The following SBF2 variants were observed in gnomAD, a reference collection of about 807,000 sequenced individuals.
The protein encoded by SBF2 is myotubularin-related protein 13.
In SBF2, 112 loss-of-function variants were observed where a neutral mutation model predicts 225.2. The observed-to-expected ratio is 0.50, with a 90% CI of 0.43 to 0.58. The LOEUF is 0.58. SBF2 is among the 20% of genes least tolerant of loss of function. SBF2 has a pLI of 0.00. For missense variants in SBF2, 1,996 were observed against 2,206.2 expected, an observed-to-expected ratio of 0.90 and a Z score of 1.91; for synonymous variants, 763 against 773.3, an observed-to-expected ratio of 0.99 and a Z score of 0.22.
At chr11:10,286,317 T>C (rs1963779438) in intron 1 of SBF2, among the ~76,000 whole-genome samples, 2 of 151,672 alleles carry the variant, frequency 1.3e-5, no homozygotes, top group East Asian at 1.9e-4. Flanking sequence ...GTAAATTATA[T>C]CTCAATAAAG....
chr11:9,827,148 C>A (rs560876200), intron 28 of SBF2, among the ~76,000 whole-genome samples: 61 of 152,202 alleles, frequency 4.0e-4, no homozygotes, highest in African/African-American at 1.3e-3. Context: ...TACTTAGTAT[C>A]TTTTTAAGGG....
chr11:9,906,167 C>A (rs529970092), intron 16 of SBF2, among the ~76,000 whole-genome samples: 2 of 152,288 alleles, frequency 1.3e-5, no homozygotes, highest in South Asian at 2.1e-4. Context: ...AACAGAAATG[C>A]CTTGCATGTT....
intron 16 of SBF2, among the ~76,000 whole-genome samples, chr11:9,942,810 G>A (rs1865333502): frequency 6.6e-6 from 1 of 151,106 alleles, no homozygotes. Context: ...AAGCCTGGGC[G>A]ACAGAGTAAG....
chr11:10,101,659 C>CTG (rs144213559), intron 2 of SBF2, among the ~76,000 whole-genome samples: 3,042 of 148,106 alleles, frequency 0.021, 40 homozygotes, highest in African/African-American at 0.03. Context: ...CTCTCTCGCT[C>CTG]TGTGTGTGTG....
At chr11:10,039,829 T>C (rs1455220112) in intron 3 of SBF2, among the ~76,000 whole-genome samples, 1 of 151,700 alleles carries the variant, frequency 6.6e-6, no homozygotes, top group Admixed American at 6.6e-5. Flanking sequence ...AGGAGATCTG[T>C]GAAAAGAACA....
At chr11:9,905,799 T>G (rs772193644) in intron 16 of SBF2, among the ~76,000 whole-genome samples, 1 of 152,098 alleles carries the variant, frequency 6.6e-6, no homozygotes, top group African/African-American at 2.4e-5. Flanking sequence ...CAGTCAAACC[T>G]CTGGAAATGA....
intron 1 of SBF2, among the ~76,000 whole-genome samples, chr11:10,205,292 A>G (rs767454335): frequency 2.6e-5 from 4 of 152,030 alleles, no homozygotes; most frequent in Non-Finnish European, 5.9e-5. Flanking sequence ...CGGTATGTAA[A>G]TTATATGTCA....
chr11:10,294,071 G>A lies in SBF2; in HGVS notation c.-2C>T. On this transcript the variant is annotated 5_prime_UTR_variant, in exon 1 of 40. Transcript: ENST00000256190. Reference sequence around the variant, plus strand: ...GAAGTAGTCAGCCAGCCGGGCCATGGCCGCCGCCGCCGCGCTCGGGAAGCG... The same window carrying A: ...GAAGTAGTCAGCCAGCCGGGCCATGACCGCCGCCGCCGCGCTCGGGAAGCG... 1.5e-6 allele frequency: 2 copies of A among 1,357,516 alleles called. No homozygotes were observed. Among genetic ancestry groups the A allele is most frequent in the South Asian group, 1.9e-5 (1 of 52,710 alleles). The allele number at this position is 1,357,516 out of a possible 1,614,324, so 84.1% of individuals were successfully genotyped here.
rs745739014 is a variant in SBF2 at position 10,293,789 on chromosome 11, G to A, written c.55+226C>T. 1.4e-3 allele frequency among the ~76,000 whole-genome samples: 209 copies of A among 152,262 alleles called. 1 individual carries two copies. Among genetic ancestry groups the A allele is most frequent in the Middle Eastern group, 0.01 (3 of 292 alleles). ...GGCCCGCCCAGCGGGTGCGCCCAGG[G>A]GCTGGGCAGACGCGGCGTCTTCCCT... On this transcript the variant is annotated intron_variant, in intron 1 of 39. Coordinates refer to ENST00000256190, the MANE Select transcript of SBF2 (RefSeq NM_030962.4).
At chr11:9,922,665 A>G (rs1360646988) in intron 16 of SBF2, among the ~76,000 whole-genome samples, 1 of 152,220 alleles carries the variant, frequency 6.6e-6, no homozygotes, top group Non-Finnish European at 1.5e-5. Flanking sequence ...GTGTACTGAA[A>G]AAAGCACAGG....
chr11:10,189,604 G>A (rs1291471599), intron 2 of SBF2, among the ~76,000 whole-genome samples: 1 of 152,026 alleles, frequency 6.6e-6, no homozygotes, highest in Non-Finnish European at 1.5e-5. Context: ...GAATTCATAG[G>A]GCAGGTAGTC....
chr11:10,242,411 AT>A (rs534696670), intron 1 of SBF2, among the ~76,000 whole-genome samples: 19 of 152,076 alleles, frequency 1.2e-4, no homozygotes, highest in Non-Finnish European at 2.2e-4. Flanking sequence ...TACAAAAAAA[AT>A]CATCATATCA....
intron 17 of SBF2, among the ~76,000 whole-genome samples, chr11:9,884,208 T>C (rs972580893): frequency 2.0e-5 from 3 of 152,182 alleles, no homozygotes; most frequent in African/African-American, 7.2e-5. Context: ...ATAACAGATC[T>C]GAAATCAGGA....
chr11:10,225,239 C>T (rs1315423861), intron 1 of SBF2, among the ~76,000 whole-genome samples: 2 of 151,792 alleles, frequency 1.3e-5, no homozygotes, highest in Admixed American at 6.6e-5. Context: ...GAACTCATAT[C>T]TTAAAATATA....
chr11:9,992,892 A>G, intron 11 of SBF2, 98 bp downstream of exon 11: 1 of 817,794 alleles, frequency 1.2e-6, no homozygotes, highest in African/African-American at 1.7e-5. Flanking sequence ...ACATTTGATA[A>G]ATCAAGGTCA....
Position 9,784,303 on chromosome 11 carries a change from G to A in SBF2, c.5319+48C>T, listed in dbSNP as rs377609595. The A allele has an allele frequency of 1.1e-5, 15 of 1,371,548 alleles. No homozygotes were observed. The African/African-American group carries it at 2.1e-4, about 20-fold the overall frequency. The allele number at this position is 1,371,548 out of a possible 1,614,324, so 85.0% of individuals were successfully genotyped here. A position where few individuals can be genotyped will look rare whatever the true frequency, so the allele number is the denominator to read the frequency against. ...TAGAGCCACATAATAGCCAGGGACTGGGACTAGCCTAGACAGAAGTAATTT... is the reference window on the plus strand; with the variant it reads ...TAGAGCCACATAATAGCCAGGGACTAGGACTAGCCTAGACAGAAGTAATTT... On this transcript the variant is annotated intron_variant, in intron 38 of 39. Coordinates refer to ENST00000256190, the MANE Select transcript of SBF2 (RefSeq NM_030962.4).
intron 17 of SBF2, among the ~76,000 whole-genome samples, chr11:9,891,348 C>G (rs997870746): frequency 3.3e-5 from 5 of 152,186 alleles, no homozygotes; most frequent in African/African-American, 9.7e-5. Context: ...CACTCTGGCT[C>G]TGAATTTAAT....
intron 1 of SBF2, among the ~76,000 whole-genome samples, chr11:10,259,763 CA>C (rs1961247383): frequency 6.6e-6 from 1 of 151,986 alleles, no homozygotes; most frequent in Non-Finnish European, 1.5e-5. Context: ...TAAAGGGCAA[CA>C]AAATAAGCCT....
intron 32 of SBF2, among the ~76,000 whole-genome samples, chr11:9,805,387 C>T (rs182887185): frequency 3.0e-4 from 45 of 152,148 alleles, no homozygotes; most frequent in Admixed American, 1.8e-3. Context: ...GTTGAGTAGT[C>T]GTCCACGGTA....
Sources: gnomAD v4.1 joint callset for allele counts (sites outside exome capture counted in the v4.1 genomes callset) on GRCh38, gnomAD v4.1.1 for gene constraint, MANE v1.5 for transcripts, NCBI Gene and HGNC (gene_info 2026-07-23, HGNC 2026-07-21) for gene names.